CAPN7: variants seen among roughly 807,000 people sequenced by gnomAD.
CAPN7 encodes the protein calpain-7.
CAPN7 carries 72 observed loss-of-function variants against 115.2 expected under a neutral mutation model. The ratio of observed to expected loss-of-function variants is 0.63; its 90% CI spans 0.52 to 0.76. The LOEUF is 0.76. CAPN7 is among the 30% of genes least tolerant of loss of function. The probability of loss-of-function intolerance (pLI) is 0.00; values close to 1 mark genes in which losing one functional copy is unlikely to be tolerated. For missense variants in CAPN7, 905 were observed against 971.5 expected, an observed-to-expected ratio of 0.93 and a Z score of 0.91; for synonymous variants, 344 against 322.3, an observed-to-expected ratio of 1.07 and a Z score of -0.72.
At position 15,218,541 on chromosome 3, in the gene CAPN7, G is replaced by A; in HGVS notation, c.437+1G>A. On this transcript the variant is annotated splice_donor_variant, in intron 4 of 20. Transcript: ENST00000253693. LOFTEE classifies it high-confidence loss of function. ...AGTTGGCTCGACAGGCACTAGACAG[G>A]TGAGTTTGATCTCTCAAGTTCTAAT... 1.9e-6 allele frequency: 3 copies of A among 1,609,656 alleles called. No homozygotes were observed. The South Asian group carries it at 3.3e-5, about 18-fold the overall frequency.
chr3:15,217,401 TGCGTA>T lies in CAPN7; in HGVS notation c.212-23_212-19del, dbSNP rs1693697046. 6.4e-7 allele frequency: 1 copy of T among 1,564,202 alleles called. No individual in the cohort carries two copies. Among genetic ancestry groups the T allele is most frequent in the African/African-American group, 1.4e-5 (1 of 71,594 alleles). On this transcript the variant is annotated intron_variant, in intron 2 of 20. Transcript: ENST00000253693. ...GGCTGTATTTAGATAATACTCCTTC[TGCGTA>T]TTTTTTTTTCTATCCTAGTTCAGTC...
chr3:15,210,325 A>G (rs1025507514), intron 1 of CAPN7, among the ~76,000 whole-genome samples: 12 of 152,290 alleles, frequency 7.9e-5, no homozygotes, highest in African/African-American at 2.4e-4. Flanking sequence ...CACATACAAG[A>G]TAACTGAAGG....
At chr3:15,239,519 G>A (rs9881202) in intron 12 of CAPN7, among the ~76,000 whole-genome samples, 61,844 of 152,070 alleles carry the variant, frequency 0.41, 16,458 homozygotes, top group African/African-American at 0.75. Context: ...TCAAGGAGTT[G>A]ATGATTACAT....
chr3:15,239,708 T>A (rs1357686041), intron 12 of CAPN7, among the ~76,000 whole-genome samples: 1 of 152,252 alleles, frequency 6.6e-6, no homozygotes, highest in Non-Finnish European at 1.5e-5. Flanking sequence ...TTCACAGCCA[T>A]CTTCTAGGGA....
chr3:15,246,010 C>T (rs188950429), intron 17 of CAPN7: 60 of 162,964 alleles, frequency 3.7e-4, no homozygotes, highest in Middle Eastern at 3.0e-3. Flanking sequence ...AGTGCAATCT[C>T]GGCTCACTGC....
Position 15,227,820 on chromosome 3 carries a change from AT to A in CAPN7, c.726-14del. On this transcript the variant is annotated intron_variant, in intron 6 of 20. Coordinates refer to ENST00000253693, the MANE Select transcript of CAPN7 (RefSeq NM_014296.3). The stretch of plus-strand genomic sequence containing the variant: ...TTTTAAGATTAATTTTTTTATTTTA[AT>A]TTTTATTATTACCTCAGTGATAGAT... 7.2e-7 allele frequency: 1 copy of A among 1,396,334 alleles called. No homozygotes were observed. The highest frequency in any genetic ancestry group is 9.4e-7 in the Non-Finnish European group (1 of 1,058,282). 86.5% of individuals were successfully genotyped at this position (1,396,334 alleles called of 1,614,324 possible).
At chr3:15,211,540 C>T (rs1486808356) in intron 1 of CAPN7, among the ~76,000 whole-genome samples, 1 of 151,734 alleles carries the variant, frequency 6.6e-6, no homozygotes, top group African/African-American at 2.4e-5. Flanking sequence ...CCTGTTTGGG[C>T]GTGTCCTGTG....
chr3:15,207,387 G>A (rs1267919756), intron 1 of CAPN7, among the ~76,000 whole-genome samples: 1 of 152,164 alleles, frequency 6.6e-6, no homozygotes, highest in Non-Finnish European at 1.5e-5. Flanking sequence ...GAGTAGTGGT[G>A]AGTGAATGTG....
chr3:15,246,528 G>A, intron 17 of CAPN7: 2 of 532,648 alleles, frequency 3.8e-6, no homozygotes, highest in Non-Finnish European at 6.6e-6. Context: ...GATTTGTCCT[G>A]AGGCATACAG....
chr3:15,228,088 ATTGT>A (rs1483845750), intron 7 of CAPN7, 123 bp downstream of exon 7: 18 of 616,222 alleles, frequency 2.9e-5, no homozygotes, highest in Non-Finnish European at 3.9e-5. Context: ...AATTGGAAAA[ATTGT>A]TCATTCTACA....
chr3:15,220,126 G>T (rs902022128), intron 4 of CAPN7, among the ~76,000 whole-genome samples: 8 of 152,162 alleles, frequency 5.3e-5, no homozygotes, highest in East Asian at 3.9e-4. Context: ...GCTTGACTCG[G>T]AAGGCAGAGG....
intron 9 of CAPN7, among the ~76,000 whole-genome samples, chr3:15,231,692 G>A (rs1164314957): frequency 1.3e-5 from 2 of 151,956 alleles, no homozygotes; most frequent in Non-Finnish European, 2.9e-5. Context: ...ACCACGCCCG[G>A]CTAATTTTTG....
intron 1 of CAPN7, among the ~76,000 whole-genome samples, chr3:15,208,780 C>T (rs1476743346): frequency 1.3e-5 from 2 of 152,094 alleles, no homozygotes; most frequent in Non-Finnish European, 2.9e-5. Flanking sequence ...TATGAGCTTC[C>T]ATGGTCCACT....
chr3:15,223,449 T>C (rs752847829), intron 5 of CAPN7, 26 bp from the exon 6 acceptor site: 1 of 1,409,156 alleles, frequency 7.1e-7, no homozygotes, highest in Non-Finnish European at 1.0e-6. Context: ...ACTTGAACAT[T>C]TAGGTTTTTT....
intron 5 of CAPN7, among the ~76,000 whole-genome samples, chr3:15,222,025 G>A (rs999403489): frequency 6.1e-5 from 9 of 148,470 alleles, no homozygotes; most frequent in Admixed American, 1.3e-4. Flanking sequence ...ATACGTATAC[G>A]TATATATATA....
intron 14 of CAPN7, 29 bp downstream of exon 14, chr3:15,240,882 T>C (rs1695301728): frequency 7.6e-7 from 1 of 1,307,420 alleles, no homozygotes. Flanking sequence ...CAGAGTATGC[T>C]TTATAATAGC....
intron 17 of CAPN7, chr3:15,245,890 A>G (rs1039633463): frequency 6.6e-6 from 3 of 456,154 alleles, no homozygotes; most frequent in Non-Finnish European, 1.1e-5. Context: ...TTATTTTCAT[A>G]GTAATAGTTT....
chr3:15,210,337 G>A (rs1466916188), intron 1 of CAPN7, among the ~76,000 whole-genome samples: 1 of 151,796 alleles, frequency 6.6e-6, no homozygotes, highest in African/African-American at 2.4e-5. Flanking sequence ...AACTGAAGGG[G>A]CAATATATGT....
At chr3:15,219,043 A>G (rs891780148) in intron 4 of CAPN7, among the ~76,000 whole-genome samples, 3 of 152,144 alleles carry the variant, frequency 2.0e-5, no homozygotes, top group African/African-American at 7.2e-5. Flanking sequence ...TATTTTTCCC[A>G]CAGCTCTTAT....
Sources: allele counts gnomAD v4.1 joint callset (sites outside exome capture counted in the v4.1 genomes callset), GRCh38; gene constraint gnomAD v4.1.1; transcripts MANE v1.5; gene names NCBI Gene and HGNC (gene_info 2026-07-23, HGNC 2026-07-21).